MYO16: variants seen among roughly 807,000 people sequenced by gnomAD.
MYO16 encodes the protein myosin XVI, also known as unconventional myosin-XVI.
A neutral mutation model predicts 205.3 loss-of-function variants in MYO16; 94 were observed. The observed-to-expected ratio is 0.46, with a 90% CI of 0.39 to 0.54. The LOEUF is 0.54. MYO16 is among the 20% of genes least tolerant of loss of function. The pLI is 0.00. For missense variants in MYO16, 2,315 were observed against 2,387.5 expected, an observed-to-expected ratio of 0.97 and a Z score of 0.63; for synonymous variants, 988 against 954.0, an observed-to-expected ratio of 1.04 and a Z score of -0.66.
intron 33 of MYO16, among the ~76,000 whole-genome samples, chr13:109,170,037 T>A (rs1024371010): frequency 2.0e-5 from 3 of 151,234 alleles, no homozygotes; most frequent in Non-Finnish European, 4.4e-5. Context: ...ATAAAATGGA[T>A]AGAAGAAACA....
upstream of MYO16, among the ~76,000 whole-genome samples, chr13:108,628,744 C>A (rs1344830801): frequency 6.6e-6 from 1 of 152,092 alleles, no homozygotes; most frequent in African/African-American, 2.4e-5. Context: ...GTAAGGAATA[C>A]AAAATTATGT....
chr13:108,562,688 A>AT, the MYO16 span, among the ~76,000 whole-genome samples: 1 of 152,044 alleles, frequency 6.6e-6, no homozygotes, highest in Admixed American at 6.5e-5. Context: ...ATAATACCAT[A>AT]TTTTTACTGT....
At chr13:108,680,241 A>T (rs950032696) in intron 2 of MYO16, among the ~76,000 whole-genome samples, 3 of 152,234 alleles carry the variant, frequency 2.0e-5, no homozygotes, top group Non-Finnish European at 2.9e-5. Context: ...GCTGGATCCC[A>T]GTGCCTGGCA....
intron 1 of MYO16, among the ~76,000 whole-genome samples, chr13:108,642,282 A>G (rs1024408685): frequency 6.6e-6 from 1 of 152,146 alleles, no homozygotes; most frequent in Non-Finnish European, 1.5e-5. Context: ...TGGACGTGAA[A>G]GGACGTATTT....
intron 23 of MYO16, among the ~76,000 whole-genome samples, chr13:109,022,480 TTA>T (rs1272821784): frequency 9.7e-5 from 12 of 123,726 alleles, no homozygotes; most frequent in South Asian, 2.4e-4. Flanking sequence ...ATGTATATAT[TTA>T]TGTTATATAT....
At chr13:108,859,527 CT>C (rs1477297098) in intron 11 of MYO16, among the ~76,000 whole-genome samples, 1 of 151,978 alleles carries the variant, frequency 6.6e-6, no homozygotes. Flanking sequence ...TGTAAATTGC[CT>C]TTTTACTAAG....
chr13:109,127,887 G>C lies in MYO16; in HGVS notation c.4051+337G>C, dbSNP rs1024551859. ...AAAAAAAAAAAAAAAAACTGCTTCA[G>C]GCATTCCAGTTATCACAATCTAATA... On this transcript the variant is annotated intron_variant, in intron 31 of 34. Coordinates refer to ENST00000457511, the MANE Select transcript of MYO16 (RefSeq NM_001198950.3). The surrounding 1 kb of genome is among the most constrained non-coding windows in gnomAD (Gnocchi z 4.2). Among the ~76,000 whole-genome samples the C allele has an allele frequency of 2.0e-5, 3 of 149,338 alleles. No homozygotes were observed. The highest frequency in any genetic ancestry group is 7.5e-5 in the African/African-American group (3 of 40,000).
chr13:108,559,915 C>T, the MYO16 span, among the ~76,000 whole-genome samples: 1 of 152,104 alleles, frequency 6.6e-6, no homozygotes, highest in Admixed American at 6.6e-5. Context: ...GACAACTTCC[C>T]TGTATTTAAA....
chr13:108,880,299 C>T (rs1392969855), intron 12 of MYO16, among the ~76,000 whole-genome samples: 5 of 152,076 alleles, frequency 3.3e-5, no homozygotes, highest in Non-Finnish European at 1.5e-5. Context: ...AAATTTTCTC[C>T]CATTCTGTAG....
At chr13:108,931,156 CAT>C (rs1179815513) in intron 16 of MYO16, among the ~76,000 whole-genome samples, 1 of 152,148 alleles carries the variant, frequency 6.6e-6, no homozygotes, top group Non-Finnish European at 1.5e-5. Context: ...TGTTAGAATT[CAT>C]ATGATTCATA....
chr13:108,954,467 G>A (rs1883271101), intron 16 of MYO16, among the ~76,000 whole-genome samples: 2 of 152,204 alleles, frequency 1.3e-5, no homozygotes, highest in African/African-American at 4.8e-5. Flanking sequence ...GGGCCAGCGT[G>A]TGGTGGCTCA....
intron 2 of MYO16, among the ~76,000 whole-genome samples, chr13:108,682,421 C>T (rs577335269): frequency 6.6e-6 from 1 of 151,940 alleles, no homozygotes; most frequent in Middle Eastern, 3.4e-3. Flanking sequence ...GCATGGAATT[C>T]CCAGGGAGAC....
chr13:108,671,169 A>G (rs1314954835), intron 2 of MYO16, among the ~76,000 whole-genome samples: 1 of 152,202 alleles, frequency 6.6e-6, no homozygotes, highest in African/African-American at 2.4e-5. Flanking sequence ...GGCAAAGAAG[A>G]GAAAGGACTG....
chr13:108,995,786 T>C (rs1269830482), intron 21 of MYO16, among the ~76,000 whole-genome samples: 1 of 152,220 alleles, frequency 6.6e-6, no homozygotes, highest in Non-Finnish European at 1.5e-5. Context: ...TTTTTATGGC[T>C]GCATAGTATT....
chr13:108,557,072 TC>T, the MYO16 span, among the ~76,000 whole-genome samples: 1 of 152,188 alleles, frequency 6.6e-6, no homozygotes, highest in African/African-American at 2.4e-5. Context: ...GTGTGATGCC[TC>T]CAGCTTTGTT....
chr13:108,891,986 G>T (rs1446145161), intron 14 of MYO16, among the ~76,000 whole-genome samples: 1 of 152,046 alleles, frequency 6.6e-6, no homozygotes, highest in Non-Finnish European at 1.5e-5. Context: ...ATTTAGAAAT[G>T]AGAATAACTG....
chr13:109,035,217 GT>G (rs368977940), intron 23 of MYO16, among the ~76,000 whole-genome samples: 2,027 of 149,590 alleles, frequency 0.014, 48 homozygotes, highest in African/African-American at 0.046. Flanking sequence ...GTATTTGAAA[GT>G]TTTTTTTTTC....
chr13:108,529,186 G>A, the MYO16 span, among the ~76,000 whole-genome samples: 1 of 152,136 alleles, frequency 6.6e-6, no homozygotes, highest in East Asian at 1.9e-4. Context: ...TTTATTGTTA[G>A]CATAAATATT....
chr13:108,732,806 T>A lies in MYO16; in HGVS notation c.507+5223T>A, dbSNP rs377216259. 1.9e-4 allele frequency among the ~76,000 whole-genome samples: 29 copies of A among 152,236 alleles called. No homozygotes were observed. In the South Asian group the frequency reaches 5.6e-3, roughly 29 times the overall value. On this transcript the variant is annotated intron_variant, in intron 4 of 34. Transcript: ENST00000457511. ...AGGTATCTATTGTCCAGACTAGAAG[T>A]GGTGGAGGTGGCAAGAAGTGGTTGA... is the stretch of plus-strand genomic sequence containing the variant.
Sources: gnomAD v4.1 joint callset for allele counts (sites outside exome capture counted in the v4.1 genomes callset) on GRCh38, gnomAD v4.1.1 for gene constraint, Gnocchi (gnomAD v3.1) non-coding constraint, MANE v1.5 for transcripts, NCBI Gene and HGNC (gene_info 2026-07-23, HGNC 2026-07-21) for gene names.